Variants in CANX observed in about 807,000 individuals in gnomAD.
CANX encodes the protein calnexin.
Under a neutral mutation model 75.7 loss-of-function variants are expected in CANX, and 14 were observed. The ratio of observed to expected loss-of-function variants is 0.19; its 90% CI spans 0.12 to 0.29. CANX has a LOEUF of 0.29. Ranked by LOEUF, CANX falls within the 10% of genes least tolerant of loss-of-function variation. The pLI, the probability that CANX is intolerant of heterozygous loss-of-function variation, is 1.00. For synonymous variants in CANX, 227 were observed against 236.9 expected, an observed-to-expected ratio of 0.96 and a Z score of 0.38; for missense variants, 567 against 713.2, an observed-to-expected ratio of 0.79 and a Z score of 2.34.
intron 1 of CANX, among the ~76,000 whole-genome samples, chr5:179,683,758 T>C (rs1776131773): frequency 6.6e-6 from 1 of 151,954 alleles, no homozygotes; most frequent in Non-Finnish European, 1.5e-5. Context: ...GGTTTCAAAC[T>C]CCTGGCCTCA....
chr5:179,710,410 CAA>C (rs760599960), intron 7 of CANX, among the ~76,000 whole-genome samples: 14 of 84,408 alleles, frequency 1.7e-4, no homozygotes, highest in Non-Finnish European at 2.1e-4. Flanking sequence ...GACTCAATCT[CAA>C]AAAAAAAAAA....
At chr5:179,699,204 G>A in intron 1 of CANX, 102 bp downstream of exon 1, 1 of 718,620 alleles carries the variant, frequency 1.4e-6, no homozygotes, top group Non-Finnish European at 1.7e-6. Context: ...CGACTGAGGG[G>A]TCGGGCTGGC....
chr5:179,720,512 T>C lies in CANX; in HGVS notation c.1134T>C (p.Asn378=), dbSNP rs1778241919. 2 of 1,614,120 alleles carry C rather than the reference T, an allele frequency of 1.2e-6. No individual in the cohort carries two copies. Among genetic ancestry groups the C allele is most frequent in the Admixed American group, 3.3e-5 (2 of 60,018 alleles). The change falls in exon 10 of 15, where the codon AAT becomes AAC. Residue 378 remains asparagine (N), a synonymous_variant. Transcript: ENST00000247461. The part of the protein sequence containing the change: ...VWQRPVIDNP[N]YKGKWKPPMI... ...AGCGACCTGTGATTGACAACCCCAA[T>C]TATAAAGGCAAATGGAAGCCTCCTA...
Position 179,703,485 on chromosome 5 carries a change from C to T in CANX, c.-3-2194C>T, listed in dbSNP as rs1423096057. The stretch of plus-strand genomic sequence containing the variant: ...CCTCCCAACGTGCTAGGATTACAGG[C>T]GTGAGCCACCCCACCCTGCCCAACG... On this transcript the variant is annotated intron_variant, in intron 1 of 14. Coordinates refer to ENST00000247461, the MANE Select transcript of CANX (RefSeq NM_001746.4). 3.3e-5 allele frequency among the ~76,000 whole-genome samples: 5 copies of T among 151,872 alleles called. No homozygotes were observed. In the South Asian group the frequency reaches 6.2e-4, roughly 19 times the overall value.
At chr5:179,683,362 T>G (rs1285188836) in intron 1 of CANX, among the ~76,000 whole-genome samples, 1 of 151,974 alleles carries the variant, frequency 6.6e-6, no homozygotes, top group African/African-American at 2.4e-5. Flanking sequence ...CTCGATCTCC[T>G]GACCTTGTGA....
Position 179,724,646 on chromosome 5 carries a change from G to A in CANX, c.1519-11G>A. 1.2e-6 allele frequency: 2 copies of A among 1,610,072 alleles called. No individual in the cohort carries two copies. The highest frequency in any genetic ancestry group is 1.1e-5 in the South Asian group (1 of 90,744). On this transcript the variant is annotated splice_polypyrimidine_tract_variant and intron_variant, in intron 12 of 14. Transcript: ENST00000247461. ...CATGTAAACAAAATTGTACTTTGGGGAACATTTCAGAAACAGACCAGTGGT... is the reference window on the plus strand; with the variant it reads ...CATGTAAACAAAATTGTACTTTGGGAAACATTTCAGAAACAGACCAGTGGT...
intron 7 of CANX, among the ~76,000 whole-genome samples, chr5:179,711,110 C>A (rs1331181140): frequency 6.6e-6 from 1 of 152,004 alleles, no homozygotes; most frequent in Non-Finnish European, 1.5e-5. Context: ...TGGGAAATGA[C>A]CTTAATTTGT....
chr5:179,730,430 T>C lies in CANX; in HGVS notation c.*1786T>C, dbSNP rs193007848. ...CTTTCCCAAATGTATTGATTACAAA[T>C]AAACAGTTGTTACTTAGCAAGACCT... On this transcript the variant is annotated 3_prime_UTR_variant, in exon 15 of 15. Transcript: ENST00000247461. The C allele has an allele frequency of 2.0e-5, 3 of 152,348 alleles. No individual in the cohort carries two copies. The highest frequency in any genetic ancestry group is 2.9e-5 in the Non-Finnish European group (2 of 68,022). 9.4% of individuals were successfully genotyped at this position (152,348 alleles called of 1,614,324 possible).
In CANX at chr5:179,678,701, C is replaced by T. The variant is rs751081425; in HGVS notation, c.-80C>T. 6 of 1,536,924 alleles carry T rather than the reference C, an allele frequency of 3.9e-6. No homozygotes were observed. Among genetic ancestry groups the T allele is most frequent in the South Asian group, 1.2e-5 (1 of 84,060 alleles). On this transcript the variant is annotated 5_prime_UTR_variant, in exon 1 of 15. Transcript: ENST00000681674. ...AGCCGTCGGGATCACCTCGGGGTTGCGCTGCTTCTCCAGCAAGTGCATGCG... is the reference window on the plus strand; with the variant it reads ...AGCCGTCGGGATCACCTCGGGGTTGTGCTGCTTCTCCAGCAAGTGCATGCG...
chr5:179,725,020 T>C (rs1171425259), intron 13 of CANX, among the ~76,000 whole-genome samples: 3 of 151,876 alleles, frequency 2.0e-5, no homozygotes, highest in Non-Finnish European at 4.4e-5. Flanking sequence ...TGTCTCTCTC[T>C]CTCTCTCTTT....
chr5:179,721,045 G>A (rs1778282130), intron 10 of CANX, among the ~76,000 whole-genome samples: 1 of 150,074 alleles, frequency 6.7e-6, no homozygotes, highest in African/African-American at 2.5e-5. Context: ...ACCTCCTAAA[G>A]TGCTGGGATT....
upstream of CANX, among the ~76,000 whole-genome samples, chr5:179,696,525 C>T (rs1434263433): frequency 3.3e-5 from 5 of 152,138 alleles, no homozygotes; most frequent in African/African-American, 4.8e-5. Flanking sequence ...ATCCGCCCGC[C>T]TCAGCCTCCC....
chr5:179,698,939 T>G, upstream of CANX: 4 of 1,126,256 alleles, frequency 3.6e-6, no homozygotes, highest in South Asian at 5.4e-5. Context: ...AGGGCCGGGC[T>G]TCGTGCGGTG....
At chr5:179,689,996 G>T (rs528323509) in intron 1 of CANX, among the ~76,000 whole-genome samples, 1 of 152,246 alleles carries the variant, frequency 6.6e-6, no homozygotes, top group African/African-American at 2.4e-5. Flanking sequence ...GGTCTGAATT[G>T]AAGGACATAA....
chr5:179,720,510 A>G lies in CANX; in HGVS notation c.1132A>G (p.Asn378Asp). 1 of 1,614,124 alleles carries G rather than the reference A, an allele frequency of 6.2e-7. No homozygotes were observed. The highest frequency in any genetic ancestry group is 1.7e-5 in the Admixed American group (1 of 60,028). Residue 378 changes from asparagine to aspartate, a missense_variant, in exon 10 of 15, where the codon AAT becomes GAT. This residue lies in a region of CANX where 49 missense variants were observed against 100.1 expected (regional missense o/e 0.49). Transcript: ENST00000247461. Reference sequence around the variant, plus strand: ...GCAGCGACCTGTGATTGACAACCCCAATTATAAAGGCAAATGGAAGCCTCC... The same window carrying G: ...GCAGCGACCTGTGATTGACAACCCCGATTATAAAGGCAAATGGAAGCCTCC... ...VWQRPVIDNP[N>D]YKGKWKPPMI... is the part of the protein sequence containing the mutation.
At chr5:179,727,002 TA>T (rs974900014) in intron 14 of CANX, among the ~76,000 whole-genome samples, 7 of 152,320 alleles carry the variant, frequency 4.6e-5, no homozygotes, top group Non-Finnish European at 7.3e-5. Flanking sequence ...CAGAAGGTTA[TA>T]GGGGGAAAAT....
chr5:179,720,734 A>G (rs558819077), intron 10 of CANX, among the ~76,000 whole-genome samples, 174 bp downstream of exon 10: 1 of 152,196 alleles, frequency 6.6e-6, no homozygotes, highest in South Asian at 2.1e-4. Flanking sequence ...TTGCAAAGAT[A>G]AACCTAGAAA....
At chr5:179,712,112 A>AC (rs1777598833) in intron 7 of CANX, among the ~76,000 whole-genome samples, 1 of 149,786 alleles carries the variant, frequency 6.7e-6, no homozygotes, top group Non-Finnish European at 1.5e-5. Context: ...TCCAAAAAAA[A>AC]AGGTGTTTTT....
At position 179,698,984 on chromosome 5, in the gene CANX, C is replaced by G. The variant is rs1308598435; in HGVS notation, c.-122C>G. On this transcript the variant is annotated 5_prime_UTR_variant, in exon 1 of 15. Coordinates refer to ENST00000247461, the MANE Select transcript of CANX (RefSeq NM_001746.4). ...CGCGCGGCAGCGGTGGCCGAGGCCT[C>G]TTGGTTCTGCGGCACGTGACGGTCG... 1.8e-6 allele frequency: 2 copies of G among 1,124,684 alleles called. No homozygotes were observed. The highest frequency in any genetic ancestry group is 9.5e-5 in the East Asian group (1 of 10,568). 69.7% of individuals were successfully genotyped at this position (1,124,684 alleles called of 1,614,324 possible).
Sources: allele counts gnomAD v4.1 joint callset (sites outside exome capture counted in the v4.1 genomes callset), GRCh38; gene constraint gnomAD v4.1.1; regional missense constraint gnomAD v4.1.1; transcripts MANE v1.5; gene names NCBI Gene and HGNC (gene_info 2026-07-23, HGNC 2026-07-21).